Variants in SLC36A1 observed in about 807,000 individuals in gnomAD.
SLC36A1 encodes solute carrier family 36 member 1.
In SLC36A1, 30 loss-of-function variants were observed where a neutral mutation model predicts 47.5. The observed-to-expected ratio is 0.63, with a 90% CI of 0.47 to 0.86. The LOEUF (loss-of-function observed/expected upper bound fraction) is 0.86. Among genes scored for constraint, SLC36A1 ranks in the 40% least tolerant of loss-of-function variants. The pLI, the probability that SLC36A1 is intolerant of heterozygous loss-of-function variation, is 0.00. For synonymous variants in SLC36A1, 255 were observed against 249.7 expected, an observed-to-expected ratio of 1.02 and a Z score of -0.20; for missense variants, 517 against 606.0, an observed-to-expected ratio of 0.85 and a Z score of 1.54.
At chr5:151,518,638 G>A in the SLC36A1 span, among the ~76,000 whole-genome samples, 1 of 152,146 alleles carries the variant, frequency 6.6e-6, no homozygotes, top group East Asian at 1.9e-4. Context: ...AAAGAGAGAG[G>A]GGCAGTGATA....
the SLC36A1 span, among the ~76,000 whole-genome samples, chr5:151,546,779 T>C: frequency 6.6e-6 from 1 of 152,228 alleles, no homozygotes; most frequent in East Asian, 1.9e-4. Context: ...AATGTAGTGA[T>C]GTGAGCATGG....
chr5:151,358,520 C>T, the SLC36A1 span, among the ~76,000 whole-genome samples: 1 of 152,166 alleles, frequency 6.6e-6, no homozygotes, highest in Non-Finnish European at 1.5e-5. Context: ...CTTCCAAATG[C>T]TAGGATTACA....
intron 9 of SLC36A1, chr5:151,477,712 A>C (rs1040052379): frequency 7.2e-5 from 11 of 152,342 alleles, no homozygotes; most frequent in Admixed American, 3.3e-4. Context: ...AAATCAGGGT[A>C]ATTGGCATAT....
At chr5:151,442,432 A>C (rs7356707) in intron 1 of SLC36A1, among the ~76,000 whole-genome samples, 2,336 of 152,284 alleles carry the variant, frequency 0.015, 56 homozygotes, top group African/African-American at 0.053. Context: ...TGATGTATAC[A>C]ATGTACAGCG....
At chr5:151,404,798 C>G in the SLC36A1 span, among the ~76,000 whole-genome samples, 2 of 152,160 alleles carry the variant, frequency 1.3e-5, no homozygotes, top group Non-Finnish European at 2.9e-5. Flanking sequence ...TGGGGTTTCC[C>G]CTTTGTAAGT....
chr5:151,516,369 T>C, the SLC36A1 span, among the ~76,000 whole-genome samples: 1 of 151,922 alleles, frequency 6.6e-6, no homozygotes. Context: ...AGAAAAAAAT[T>C]AGTGAGCGTG....
chr5:151,396,913 C>T, the SLC36A1 span, among the ~76,000 whole-genome samples: 3 of 152,182 alleles, frequency 2.0e-5, no homozygotes, highest in Non-Finnish European at 2.9e-5. Flanking sequence ...ACCCAACTCC[C>T]ACTGACTTCA....
At chr5:151,417,936 C>CT in the SLC36A1 span, among the ~76,000 whole-genome samples, 475 of 152,340 alleles carry the variant, frequency 3.1e-3, 3 homozygotes, top group Middle Eastern at 6.8e-3. Context: ...TGGGCCAGGC[C>CT]TAGGGCCTTA....
At chr5:151,387,728 A>G in the SLC36A1 span, among the ~76,000 whole-genome samples, 1 of 152,194 alleles carries the variant, frequency 6.6e-6, no homozygotes, top group Non-Finnish European at 1.5e-5. Flanking sequence ...CAGCCTCCCA[A>G]GTAGCTGGGA....
chr5:151,492,993 T>C (rs1474741013), downstream of SLC36A1, among the ~76,000 whole-genome samples: 2 of 152,222 alleles, frequency 1.3e-5, no homozygotes, highest in Admixed American at 6.5e-5. Flanking sequence ...AGTCTCTCTA[T>C]GTGTATCTGT....
chr5:151,542,480 T>C, the SLC36A1 span: 1 of 1,614,194 alleles, frequency 6.2e-7, no homozygotes, highest in Non-Finnish European at 8.5e-7. Flanking sequence ...AGCTGGATGG[T>C]CTGTCCGTGG....
At chr5:151,367,334 C>G in the SLC36A1 span, among the ~76,000 whole-genome samples, 33 of 148,856 alleles carry the variant, frequency 2.2e-4, no homozygotes, top group Non-Finnish European at 3.4e-4. Flanking sequence ...CCAGAGCGGC[C>G]ATTTATAGAC....
At chr5:151,510,181 G>C in the SLC36A1 span, 2 of 1,613,852 alleles carry the variant, frequency 1.2e-6, no homozygotes, top group Non-Finnish European at 1.7e-6. Flanking sequence ...TAGCCTAGGA[G>C]AAAAAGAAGG....
chr5:151,505,525 G>A, the SLC36A1 span: 5 of 1,612,094 alleles, frequency 3.1e-6, no homozygotes, highest in Non-Finnish European at 2.5e-6. Context: ...GCCAAGTCCA[G>A]TCCTTGGCCT....
the SLC36A1 span, chr5:151,545,865 A>T: frequency 6.2e-7 from 1 of 1,614,230 alleles, no homozygotes; most frequent in East Asian, 2.2e-5. Context: ...ACATAGGAGC[A>T]TTGTCATTTT....
the SLC36A1 span, among the ~76,000 whole-genome samples, chr5:151,553,540 G>A: frequency 6.6e-6 from 1 of 152,250 alleles, no homozygotes; most frequent in Non-Finnish European, 1.5e-5. Flanking sequence ...AAGGCTTGCT[G>A]TAAACAGGCA....
the SLC36A1 span, chr5:151,507,666 C>G: frequency 6.8e-6 from 10 of 1,479,466 alleles, no homozygotes. Flanking sequence ...TTTCCATGTC[C>G]CCTCTTACAG....
chr5:151,384,508 A>G, the SLC36A1 span, among the ~76,000 whole-genome samples: 4 of 152,238 alleles, frequency 2.6e-5, no homozygotes, highest in South Asian at 2.1e-4. Flanking sequence ...GCAGTTTACA[A>G]TGCATCAGAC....
the SLC36A1 span, among the ~76,000 whole-genome samples, chr5:151,536,753 G>T: frequency 6.6e-6 from 1 of 152,208 alleles, no homozygotes; most frequent in Non-Finnish European, 1.5e-5. Context: ...ATTCTATGAG[G>T]TGTTATCCCT....
Sources: allele counts gnomAD v4.1 joint callset (sites outside exome capture counted in the v4.1 genomes callset), GRCh38; gene constraint gnomAD v4.1.1; transcripts MANE v1.5; gene names NCBI Gene and HGNC (gene_info 2026-07-23, HGNC 2026-07-21).